CPNE4: variants seen among roughly 807,000 people sequenced by gnomAD.
CPNE4 encodes copine 4.
A neutral mutation model predicts 67.9 loss-of-function variants in CPNE4; 25 were observed. The observed-to-expected ratio is 0.37, with a 90% CI of 0.27 to 0.51. The LOEUF is 0.51. Ranked by LOEUF, CPNE4 falls within the 20% of genes least tolerant of loss-of-function variation. The probability of loss-of-function intolerance (pLI) is 0.93; values close to 1 mark genes in which losing one functional copy is unlikely to be tolerated. For synonymous variants in CPNE4, 242 were observed against 244.9 expected (o/e 0.99, Z 0.11); for missense variants, 464 against 690.8 (o/e 0.67, Z 3.68).
At chr3:131,959,236 G>A (rs1583517349) in intron 1 of CPNE4, among the ~76,000 whole-genome samples, 1 of 51,332 alleles carries the variant, frequency 1.9e-5, no homozygotes, top group African/African-American at 8.3e-5. Flanking sequence ...TCCTGACCTC[G>A]TGATCCGCCC....
chr3:131,617,605 C>T (rs905188099), intron 7 of CPNE4, among the ~76,000 whole-genome samples: 1 of 152,194 alleles, frequency 6.6e-6, no homozygotes, highest in Non-Finnish European at 1.5e-5. Context: ...TCATAACCCT[C>T]ACTTTCTTCC....
intron 1 of CPNE4, among the ~76,000 whole-genome samples, chr3:131,958,334 T>G (rs769376126): frequency 1.3e-5 from 2 of 152,178 alleles, no homozygotes; most frequent in African/African-American, 4.8e-5. Flanking sequence ...TTCATTTTTG[T>G]ACATCACACC....
In CPNE4 at chr3:131,535,264, G is replaced by T. The variant is rs1266437170; in HGVS notation, c.1605C>A (p.Tyr535Ter). The stretch of plus-strand genomic sequence containing the variant: ...ATTTTGGTTTAATTCCTTTGCCATT[G>T]TAATAGTCCACAACTTGGTTTGGGA... The part of the protein sequence containing the change: ...AEVPNQVVDY[Y>*]NGKGIKPKCS... The change falls in exon 16 of 16, where the codon TAC (tyrosine) becomes TAA (stop). Residue 535 changes from tyrosine to a stop codon, truncating the protein, a stop_gained. Coordinates refer to ENST00000429747, the MANE Select transcript of CPNE4 (RefSeq NM_130808.3). LOFTEE classifies it high-confidence loss of function. The T allele has an allele frequency of 1.9e-6, 3 of 1,613,812 alleles. No individual in the cohort carries two copies. Among genetic ancestry groups the T allele is most frequent in the Non-Finnish European group, 2.5e-6 (3 of 1,179,954 alleles).
At chr3:131,757,548 A>C (rs548839851) in intron 2 of CPNE4, among the ~76,000 whole-genome samples, 2 of 152,346 alleles carry the variant, frequency 1.3e-5, no homozygotes, top group South Asian at 4.1e-4. Context: ...ACAGCATAAA[A>C]GTTCAGAAAA....
At chr3:131,717,874 T>TTTTCTTTCTTTCTTTC (rs71136405) in intron 3 of CPNE4, among the ~76,000 whole-genome samples, 11 of 97,052 alleles carry the variant, frequency 1.1e-4, no homozygotes, top group East Asian at 5.9e-4. Flanking sequence ...TCTTTCTTTC[T>TTTTCTTTCTTTCTTTC]TTTCTTTCTT....
At chr3:131,936,245 T>C (rs1353528364) in intron 1 of CPNE4, among the ~76,000 whole-genome samples, 1 of 151,896 alleles carries the variant, frequency 6.6e-6, no homozygotes, top group African/African-American at 2.4e-5. Flanking sequence ...GCAGAAGCTG[T>C]CCTGGGAGGG....
chr3:131,804,681 G>GTCT (rs2084247908), intron 2 of CPNE4, among the ~76,000 whole-genome samples: 1 of 152,188 alleles, frequency 6.6e-6, no homozygotes, highest in African/African-American at 2.4e-5. Context: ...ATGGGATGTG[G>GTCT]TAGAAGTGGC....
chr3:131,823,622 T>G (rs904139552), intron 2 of CPNE4, among the ~76,000 whole-genome samples: 5 of 152,228 alleles, frequency 3.3e-5, no homozygotes, highest in African/African-American at 1.2e-4. Flanking sequence ...CAACTTCTAA[T>G]GAATGCAAAA....
At chr3:131,681,546 T>A (rs2080756077) in intron 6 of CPNE4, among the ~76,000 whole-genome samples, 1 of 152,194 alleles carries the variant, frequency 6.6e-6, no homozygotes, top group Non-Finnish European at 1.5e-5. Context: ...CTCTTATTCC[T>A]TTTAGGATAT....
At chr3:131,932,496 T>C (rs1332537567) in intron 1 of CPNE4, among the ~76,000 whole-genome samples, 1 of 152,002 alleles carries the variant, frequency 6.6e-6, no homozygotes, top group Non-Finnish European at 1.5e-5. Context: ...TGTATGAATA[T>C]ATACCTACAT....
intron 3 of CPNE4, among the ~76,000 whole-genome samples, chr3:131,721,104 G>A (rs1412480878): frequency 1.3e-5 from 2 of 151,978 alleles, no homozygotes; most frequent in African/African-American, 2.4e-5. Flanking sequence ...TATGATAATC[G>A]CCATTTAATT....
At chr3:131,667,754 C>G (rs975728385) in intron 7 of CPNE4, among the ~76,000 whole-genome samples, 2 of 152,068 alleles carry the variant, frequency 1.3e-5, no homozygotes, top group Non-Finnish European at 2.9e-5. Flanking sequence ...GCAGAGCACT[C>G]AGAAAGCCAC....
chr3:131,871,293 G>T (rs67940114), intron 2 of CPNE4, among the ~76,000 whole-genome samples: 11,405 of 152,150 alleles, frequency 0.075, 449 homozygotes, highest in East Asian at 0.1. Context: ...TTGGTTAAAA[G>T]ATAAGAATCA....
At chr3:131,742,936 T>C (rs1326552281) in intron 2 of CPNE4, among the ~76,000 whole-genome samples, 3 of 152,122 alleles carry the variant, frequency 2.0e-5, no homozygotes. Context: ...AGAAACTTAA[T>C]ATTCATCTTA....
At chr3:131,875,381 T>C (rs13062835) in intron 2 of CPNE4, among the ~76,000 whole-genome samples, 9 of 152,162 alleles carry the variant, frequency 5.9e-5, no homozygotes, top group African/African-American at 1.9e-4. Context: ...CACATGCACA[T>C]GTATGTTTAT....
chr3:131,906,909 C>T (rs1001043234), intron 1 of CPNE4, among the ~76,000 whole-genome samples: 1 of 151,860 alleles, frequency 6.6e-6, no homozygotes, highest in Non-Finnish European at 1.5e-5. Flanking sequence ...TCCTCTCCAG[C>T]ACCTGTTGTT....
In CPNE4 at chr3:131,816,559, T is replaced by C. The variant is rs533556024; in HGVS notation, c.180+88705A>G. 5.9e-5 allele frequency among the ~76,000 whole-genome samples: 9 copies of C among 152,292 alleles called. No homozygotes were observed. In the East Asian group the frequency reaches 1.7e-3, roughly 29 times the overall value. ...ATTCGAATCCCCACCACTTTTAGGA[T>C]TGAAACGGAATCAACTCACTTTAGA... On this transcript the variant is annotated intron_variant, in intron 2 of 15. Coordinates refer to ENST00000429747, the MANE Select transcript of CPNE4 (RefSeq NM_130808.3).
Position 132,010,934 on chromosome 3 carries a change from G to T in CPNE4, c.-2+23633C>A, listed in dbSNP as rs868694983. On this transcript the variant is annotated intron_variant, in intron 1 of 15. Transcript: ENST00000429747. ...GCTTCAAAGGCACCCCAGTAGGGGA[G>T]CACCACACAGCATGAAGACAGCTGC... 2.6e-5 allele frequency among the ~76,000 whole-genome samples: 4 copies of T among 152,256 alleles called. No homozygotes were observed. The South Asian group carries it at 8.3e-4, about 32-fold the overall frequency.
chr3:131,838,370 C>T (rs2085639120), intron 2 of CPNE4, among the ~76,000 whole-genome samples: 1 of 151,476 alleles, frequency 6.6e-6, no homozygotes, highest in East Asian at 1.9e-4. Flanking sequence ...TATTAGAGCA[C>T]CCAAGATAAT....
Sources: allele counts gnomAD v4.1 joint callset (sites outside exome capture counted in the v4.1 genomes callset), GRCh38; gene constraint gnomAD v4.1.1; transcripts MANE v1.5; gene names NCBI Gene and HGNC (gene_info 2026-07-23, HGNC 2026-07-21).